The following CALD1 variants were observed in gnomAD, a reference collection of about 807,000 sequenced individuals.
CALD1 encodes caldesmon.
CALD1 carries 33 observed loss-of-function variants against 99.9 expected under a neutral mutation model. The observed-to-expected ratio is 0.33, with a 90% CI of 0.25 to 0.44. The LOEUF (loss-of-function observed/expected upper bound fraction) is 0.44, where lower values mean the gene tolerates loss of function less well. CALD1 is among the 20% of genes least tolerant of loss of function. The probability of loss-of-function intolerance (pLI) is 1.00; values close to 1 mark genes in which losing one functional copy is unlikely to be tolerated. For missense variants in CALD1, 861 were observed against 962.1 expected (o/e 0.89, Z 1.39); for synonymous variants, 310 against 325.0 (o/e 0.95, Z 0.50).
At chr7:134,756,246 TGG>T (rs1796726966) in intron 1 of CALD1, among the ~76,000 whole-genome samples, 1 of 109,260 alleles carries the variant, frequency 9.2e-6, no homozygotes, top group Non-Finnish European at 1.7e-5. Context: ...CATTCCAGCC[TGG>T]GGAACGAGAG....
At chr7:134,760,373 G>C (rs1562990528) in intron 1 of CALD1, among the ~76,000 whole-genome samples, 1 of 152,308 alleles carries the variant, frequency 6.6e-6, no homozygotes, top group South Asian at 2.1e-4. Context: ...CATAAGCAAT[G>C]ATGACAACCT....
chr7:134,722,546 C>T, the CALD1 span, among the ~76,000 whole-genome samples: 1 of 151,956 alleles, frequency 6.6e-6, no homozygotes, highest in East Asian at 1.9e-4. Flanking sequence ...TCAGCCTCCC[C>T]GAGTAGCTAG....
At chr7:134,875,468 T>C (rs1214253548) in intron 3 of CALD1, among the ~76,000 whole-genome samples, 1 of 152,176 alleles carries the variant, frequency 6.6e-6, no homozygotes, top group Non-Finnish European at 1.5e-5. Flanking sequence ...AAACCCCATC[T>C]CTACTAAAAA....
rs997572603 is a variant in CALD1, at chr7:134,930,498, T to A, written c.218+1598T>A. Reference sequence around the variant, plus strand: ...ATTCTAAAGGGAATGGGTCCTGGCCTCCTTAACCCAAGTTTGAGAGGCTGT... The same window carrying A: ...ATTCTAAAGGGAATGGGTCCTGGCCACCTTAACCCAAGTTTGAGAGGCTGT... On this transcript the variant is annotated intron_variant, in intron 4 of 14. Coordinates refer to ENST00000361675, the MANE Select transcript of CALD1 (RefSeq NM_033138.4). Among the ~76,000 whole-genome samples the A allele has an allele frequency of 2.0e-5, 3 of 152,314 alleles. No homozygotes were observed. In the Middle Eastern group the frequency reaches 0.01, roughly 518 times the overall value.
chr7:134,942,853 G>A lies in CALD1; in HGVS notation c.1532+1616G>A, dbSNP rs553997460. The stretch of plus-strand genomic sequence containing the variant: ...TAACAATTAGCAAACTTGCCAACAA[G>A]CTTCAAAGCTCAAATTAATAATTAA... On this transcript the variant is annotated intron_variant, in intron 7 of 14. Transcript: ENST00000361675. Among the ~76,000 whole-genome samples the A allele has an allele frequency of 6.6e-5, 10 of 152,294 alleles. 1 individual carries two copies. In the South Asian group the frequency reaches 2.1e-3, roughly 32 times the overall value.
In CALD1 at chr7:134,969,862, T is replaced by C. The variant is rs1290863090; in HGVS notation, c.*1517T>C. 1 of 152,648 alleles carries C rather than the reference T, an allele frequency of 6.6e-6. No individual in the cohort carries two copies. 9.5% of individuals were successfully genotyped at this position (152,648 alleles called of 1,614,324 possible). Reference sequence around the variant, plus strand: ...AAATGTTCTAGTATAGCTGGATACATACAGTGGAGTTCTATAAACTCATAC... The same window carrying C: ...AAATGTTCTAGTATAGCTGGATACACACAGTGGAGTTCTATAAACTCATAC... On this transcript the variant is annotated 3_prime_UTR_variant, in exon 15 of 15. Coordinates refer to ENST00000361675, the MANE Select transcript of CALD1 (RefSeq NM_033138.4).
chr7:134,887,135 A>G (rs914698429), intron 3 of CALD1, among the ~76,000 whole-genome samples: 7 of 152,240 alleles, frequency 4.6e-5, no homozygotes, highest in African/African-American at 1.7e-4. Flanking sequence ...ACGCTGGTGA[A>G]GAACCACTGG....
At chr7:134,943,447 A>G (rs890257833) in intron 7 of CALD1, among the ~76,000 whole-genome samples, 1 of 152,146 alleles carries the variant, frequency 6.6e-6, no homozygotes, top group Admixed American at 6.5e-5. Context: ...GTGTGATTTA[A>G]TTACTGTTCC....
At chr7:134,730,145 A>G in the CALD1 span, among the ~76,000 whole-genome samples, 32 of 151,958 alleles carry the variant, frequency 2.1e-4, no homozygotes, top group Non-Finnish European at 3.7e-4. Context: ...CCTGAATCCA[A>G]ACCAGGATTC....
At chr7:134,711,660 C>CTCTCTCTATATA in the CALD1 span, among the ~76,000 whole-genome samples, 41 of 78,308 alleles carry the variant, frequency 5.2e-4, no homozygotes, top group African/African-American at 2.3e-3. Flanking sequence ...CTCTCTCTCT[C>CTCTCTCTATATA]TATATATATA....
rs1808922919 is a variant in CALD1 at position 134,969,826 on chromosome 7, G to A, written c.*1481G>A. 2 of 152,572 alleles carry A rather than the reference G, an allele frequency of 1.3e-5. No homozygotes were observed. The highest frequency in any genetic ancestry group is 6.5e-5 in the Admixed American group (1 of 15,278). 9.5% of individuals were successfully genotyped at this position (152,572 alleles called of 1,614,324 possible). On this transcript the variant is annotated 3_prime_UTR_variant, in exon 15 of 15. Coordinates refer to ENST00000361675, the MANE Select transcript of CALD1 (RefSeq NM_033138.4). ...CAGTAGATAATGAAAGAGTCCTCCA[G>A]TGTCTTGGCAAAATGTTCTAGTATA...
chr7:134,824,170 C>T (rs947161019), intron 1 of CALD1, among the ~76,000 whole-genome samples: 1 of 152,174 alleles, frequency 6.6e-6, no homozygotes, highest in Non-Finnish European at 1.5e-5. Flanking sequence ...AGTTTCAGAA[C>T]TTACATACTG....
intron 1 of CALD1, among the ~76,000 whole-genome samples, chr7:134,801,465 C>T (rs543827859): frequency 6.6e-6 from 1 of 152,180 alleles, no homozygotes; most frequent in Admixed American, 6.5e-5. Flanking sequence ...TTAGTAGTTC[C>T]TTTAGAGAGT....
upstream of CALD1, among the ~76,000 whole-genome samples, chr7:134,778,796 G>A (rs1199636819): frequency 2.0e-5 from 3 of 152,150 alleles, no homozygotes; most frequent in Non-Finnish European, 4.4e-5. Context: ...CCTCTCTGAT[G>A]TGCATCAATT....
chr7:134,755,004 T>A (rs892361511), intron 1 of CALD1, among the ~76,000 whole-genome samples: 7 of 125,692 alleles, frequency 5.6e-5, no homozygotes, highest in African/African-American at 8.5e-5. Flanking sequence ...ACTTTTTTTT[T>A]ATTATTATTA....
chr7:134,715,823 C>T, the CALD1 span, among the ~76,000 whole-genome samples: 1 of 152,106 alleles, frequency 6.6e-6, no homozygotes, highest in Non-Finnish European at 1.5e-5. Flanking sequence ...CATGCAGAGA[C>T]AAGGAAAACA....
At chr7:134,849,037 A>G (rs1799967982) in intron 2 of CALD1, among the ~76,000 whole-genome samples, 1 of 152,142 alleles carries the variant, frequency 6.6e-6, no homozygotes, top group African/African-American at 2.4e-5. Flanking sequence ...CTTTTTTTTA[A>G]TTAAATGCAA....
intron 1 of CALD1, among the ~76,000 whole-genome samples, chr7:134,782,438 G>C (rs1215499250): frequency 6.6e-6 from 1 of 152,218 alleles, no homozygotes; most frequent in African/African-American, 2.4e-5. Context: ...GCTAATCCAA[G>C]TTTGCTATTG....
intron 1 of CALD1, among the ~76,000 whole-genome samples, chr7:134,829,247 G>A (rs1799127155): frequency 2.0e-5 from 3 of 152,196 alleles, no homozygotes; most frequent in African/African-American, 7.2e-5. Flanking sequence ...ACAAAGAGCA[G>A]AGACTTACAA....
Sources: allele counts gnomAD v4.1 joint callset (sites outside exome capture counted in the v4.1 genomes callset), GRCh38; gene constraint gnomAD v4.1.1; transcripts MANE v1.5; gene names NCBI Gene and HGNC (gene_info 2026-07-23, HGNC 2026-07-21).